The following PTPRC variants were observed in gnomAD, a reference collection of about 807,000 sequenced individuals.
PTPRC encodes the protein protein tyrosine phosphatase receptor type C, also known as receptor-type tyrosine-protein phosphatase C.
A neutral mutation model predicts 155.9 loss-of-function variants in PTPRC; 44 were observed. The ratio of observed to expected loss-of-function variants is 0.28; its 90% CI spans 0.22 to 0.36. The LOEUF is 0.36. Among genes scored for constraint, PTPRC ranks in the 10% least tolerant of loss-of-function variants. The pLI is 1.00. For missense variants in PTPRC, 1,401 were observed against 1,564.6 expected, an observed-to-expected ratio of 0.90 and a Z score of 1.76; for synonymous variants, 525 against 533.1, an observed-to-expected ratio of 0.98 and a Z score of 0.21.
chr1:198,667,985 A>G (rs1181984138), intron 2 of PTPRC, among the ~76,000 whole-genome samples: 2 of 152,248 alleles, frequency 1.3e-5, no homozygotes, highest in Admixed American at 6.5e-5. Context: ...TAGCTTGTAT[A>G]CACAACTTAG....
intron 2 of PTPRC, among the ~76,000 whole-genome samples, chr1:198,671,358 C>T (rs72738033): frequency 0.01 from 1,548 of 152,208 alleles, 15 homozygotes; most frequent in South Asian, 0.029. Context: ...CTTTTCAAAA[C>T]CCTGTCCTCC....
At chr1:198,660,373 T>A (rs992759322) in intron 2 of PTPRC, among the ~76,000 whole-genome samples, 3 of 152,140 alleles carry the variant, frequency 2.0e-5, no homozygotes, top group Non-Finnish European at 4.4e-5. Flanking sequence ...GTGAATTGTG[T>A]TCCTATGATT....
intron 2 of PTPRC, among the ~76,000 whole-genome samples, chr1:198,648,955 C>T (rs750272812): frequency 4.6e-5 from 7 of 151,724 alleles, no homozygotes; most frequent in Admixed American, 1.3e-4. Context: ...AGTAACTTGA[C>T]CTTTGTTAAA....
At chr1:198,658,143 C>CAG (rs1328508639) in intron 2 of PTPRC, among the ~76,000 whole-genome samples, 9 of 151,992 alleles carry the variant, frequency 5.9e-5, no homozygotes, top group East Asian at 1.9e-4. Context: ...AAGCACCTTT[C>CAG]AGAGAGAGAG....
At chr1:198,729,747 T>C (rs1208034015) in intron 17 of PTPRC, among the ~76,000 whole-genome samples, 1 of 152,194 alleles carries the variant, frequency 6.6e-6, no homozygotes, top group Non-Finnish European at 1.5e-5. Context: ...GGAAAGCAGA[T>C]ATCTCAACAA....
intron 2 of PTPRC, among the ~76,000 whole-genome samples, chr1:198,643,652 T>C (rs1316173082): frequency 6.6e-6 from 1 of 151,988 alleles, no homozygotes; most frequent in Non-Finnish European, 1.5e-5. Context: ...AGAATGTTTT[T>C]CCTAAATTTT....
chr1:198,705,308 C>T lies in PTPRC; in HGVS notation c.685+810C>T, dbSNP rs556870079. Among the ~76,000 whole-genome samples, 16 of 151,984 alleles carry T rather than the reference C, an allele frequency of 1.1e-4. No individual in the cohort carries two copies. In the East Asian group the frequency reaches 1.4e-3, roughly 13 times the overall value. On this transcript the variant is annotated intron_variant, in intron 8 of 32. Transcript: ENST00000442510. ...TTAATTAATATGATCTTTTGTAATCCGGTTGTCATTCATCTCTCCTCCCGC... is the reference window on the plus strand; with the variant it reads ...TTAATTAATATGATCTTTTGTAATCTGGTTGTCATTCATCTCTCCTCCCGC...
At chr1:198,728,734 A>G (rs924289466) in intron 16 of PTPRC, among the ~76,000 whole-genome samples, 16 of 152,232 alleles carry the variant, frequency 1.1e-4, no homozygotes, top group African/African-American at 3.6e-4. Context: ...AGTGGGTCAG[A>G]GGGATCTAGG....
chr1:198,664,932 ATATGC>A (rs1466492949), intron 2 of PTPRC, among the ~76,000 whole-genome samples: 1 of 152,148 alleles, frequency 6.6e-6, no homozygotes, highest in Non-Finnish European at 1.5e-5. Context: ...AAAAGGACAA[ATATGC>A]TATATTTTTT....
At position 198,692,019 on chromosome 1, in the gene PTPRC, A is replaced by C. The variant is rs185994790; in HGVS notation, c.74-328A>C. 4.1e-4 allele frequency among the ~76,000 whole-genome samples: 62 copies of C among 152,210 alleles called. 1 individual carries two copies. The highest frequency in any genetic ancestry group is 1.4e-3 in the African/African-American group (58 of 41,552). ...TTAATCATCATTATCTAAATAAATA[A>C]TGCATTTGGGAAAAAAAAGTTTCAA... On this transcript the variant is annotated intron_variant, in intron 2 of 32. Transcript: ENST00000442510.
At position 198,709,736 on chromosome 1, in the gene PTPRC, C is replaced by T. The variant is rs573231260; in HGVS notation, c.1083C>T (p.Pro361=). ...AAATTAAATTAGAAAACCTTGAACCCGAACATGAGTATAAGTGTGACTCAG... is the reference window on the plus strand; with the variant it reads ...AAATTAAATTAGAAAACCTTGAACCTGAACATGAGTATAAGTGTGACTCAG... ...NKEIKLENLE[P]EHEYKCDSEI... Residue 361 remains proline, a synonymous_variant, in exon 11 of 33, where the codon CCC becomes CCT. Coordinates refer to ENST00000442510, the MANE Select transcript of PTPRC (RefSeq NM_002838.5). 5.6e-6 allele frequency: 9 copies of T among 1,605,366 alleles called. No homozygotes were observed. The highest frequency in any genetic ancestry group is 2.7e-5 in the African/African-American group (2 of 74,758).
chr1:198,688,010 T>C (rs578162860), intron 2 of PTPRC, among the ~76,000 whole-genome samples: 9 of 152,258 alleles, frequency 5.9e-5, no homozygotes, highest in African/African-American at 2.2e-4. Context: ...AGTTGAGTCT[T>C]ACACTAAGTC....
At chr1:198,691,511 CTG>C (rs574490952) in intron 2 of PTPRC, among the ~76,000 whole-genome samples, 57 of 152,162 alleles carry the variant, frequency 3.7e-4, no homozygotes, top group African/African-American at 1.4e-3. Context: ...GACATCATCT[CTG>C]TCTGTTTTGC....
intron 10 of PTPRC, 112 bp downstream of exon 10, chr1:198,708,373 T>A (rs913079758): frequency 5.0e-5 from 53 of 1,051,482 alleles, no homozygotes; most frequent in Middle Eastern, 6.4e-4. Flanking sequence ...TCTCTTGTTC[T>A]CCCTCTGTTT....
At chr1:198,714,476 T>C (rs1653468302) in intron 12 of PTPRC, among the ~76,000 whole-genome samples, 1 of 152,170 alleles carries the variant, frequency 6.6e-6, no homozygotes, top group African/African-American at 2.4e-5. Flanking sequence ...ATTTAACAGC[T>C]GTCCACATAG....
intron 2 of PTPRC, among the ~76,000 whole-genome samples, chr1:198,660,142 A>C (rs533009264): frequency 6.7e-6 from 1 of 149,906 alleles, no homozygotes; most frequent in Non-Finnish European, 1.5e-5. Context: ...CAGTCTCTTC[A>C]TATATATTGA....
chr1:198,652,997 A>G (rs1663340982), intron 2 of PTPRC, among the ~76,000 whole-genome samples: 1 of 151,880 alleles, frequency 6.6e-6, no homozygotes, highest in African/African-American at 2.4e-5. Context: ...AGGCAAGAAA[A>G]TAAGAATAAT....
intron 12 of PTPRC, among the ~76,000 whole-genome samples, chr1:198,715,436 T>C (rs569470774): frequency 1.3e-5 from 2 of 152,126 alleles, no homozygotes; most frequent in South Asian, 2.1e-4. Context: ...TTAAGATATT[T>C]TGGAGAACTG....
intron 31 of PTPRC, among the ~76,000 whole-genome samples, chr1:198,753,086 G>C (rs1490984400): frequency 6.6e-6 from 1 of 151,966 alleles, no homozygotes; most frequent in East Asian, 1.9e-4. Context: ...GGAAGGGTGT[G>C]TGAACAGATA....
Sources: allele counts gnomAD v4.1 joint callset (sites outside exome capture counted in the v4.1 genomes callset), GRCh38; gene constraint gnomAD v4.1.1; transcripts MANE v1.5; gene names NCBI Gene and HGNC (gene_info 2026-07-23, HGNC 2026-07-21).